The following PIKFYVE variants were observed in gnomAD, a reference collection of about 807,000 sequenced individuals.
PIKFYVE encodes the protein phosphoinositide kinase, FYVE-type zinc finger containing.
Under a neutral mutation model 257.9 loss-of-function variants are expected in PIKFYVE, and 122 were observed. The observed-to-expected ratio is 0.47, with a 90% CI of 0.41 to 0.55. The LOEUF is 0.55. Ranked by LOEUF, PIKFYVE falls within the 20% of genes least tolerant of loss-of-function variation. The probability of loss-of-function intolerance (pLI) is 0.00; values close to 1 mark genes in which losing one functional copy is unlikely to be tolerated. For synonymous variants in PIKFYVE, 892 were observed against 868.9 expected (o/e 1.03, Z -0.47); for missense variants, 2,160 against 2,536.6 (o/e 0.85, Z 3.19).
chr2:208,337,003 G>A lies in PIKFYVE; in HGVS notation c.4611+75G>A, dbSNP rs544141289. On this transcript the variant is annotated intron_variant, in intron 28 of 41. Coordinates refer to ENST00000264380, the MANE Select transcript of PIKFYVE (RefSeq NM_015040.4). ...AGTTTCATTTATAATACTTAGCAGG[G>A]ATAGTTTAATATGTACTTTAGTAAT... The A allele has an allele frequency of 1.1e-5, 13 of 1,192,576 alleles. No individual in the cohort carries two copies. In the East Asian group the frequency reaches 3.3e-4, roughly 30 times the overall value. 73.9% of individuals were successfully genotyped at this position (1,192,576 alleles called of 1,614,324 possible). A position where few individuals can be genotyped will look rare whatever the true frequency, so the allele number is the denominator to read the frequency against.
At chr2:208,329,660 T>G (rs1697294289) in intron 21 of PIKFYVE, among the ~76,000 whole-genome samples, 182 bp from the exon 22 acceptor site, 3 of 152,194 alleles carry the variant, frequency 2.0e-5, no homozygotes, top group African/African-American at 7.2e-5. Flanking sequence ...AAAAGATGCT[T>G]TAGTGTGGCA....
chr2:208,344,977 T>C (rs1699095858), intron 32 of PIKFYVE, 134 bp from the exon 33 acceptor site: 2 of 672,790 alleles, frequency 3.0e-6, no homozygotes, highest in South Asian at 1.8e-5. Context: ...CTTTTGTCAG[T>C]TAACCAAAAT....
At chr2:208,303,074 T>A (rs1180537119) in intron 10 of PIKFYVE, among the ~76,000 whole-genome samples, 1 of 152,032 alleles carries the variant, frequency 6.6e-6, no homozygotes, top group Non-Finnish European at 1.5e-5. Flanking sequence ...AAAGCAAGGC[T>A]CCGTCTCAAA....
intron 7 of PIKFYVE, among the ~76,000 whole-genome samples, chr2:208,289,432 A>G (rs1692004421): frequency 6.6e-6 from 1 of 150,750 alleles, no homozygotes; most frequent in Admixed American, 6.6e-5. Context: ...ATTTTTATTT[A>G]TCTTATTATT....
chr2:208,336,039 C>T lies in PIKFYVE; in HGVS notation c.4366-7C>T. 6.2e-7 allele frequency: 1 copy of T among 1,613,838 alleles called. No individual in the cohort carries two copies. The highest frequency in any genetic ancestry group is 8.5e-7 in the Non-Finnish European group (1 of 1,179,916). ...CTGTCTCCTGAAGTTGTTTCTGTTC[C>T]TTGTAGATGGAAGAAGGTGAGTTCA... On this transcript the variant is annotated splice_region_variant and splice_polypyrimidine_tract_variant and intron_variant, in intron 26 of 41. Transcript: ENST00000264380.
intron 3 of PIKFYVE, chr2:208,274,175 G>C (rs1286910534): frequency 5.5e-6 from 6 of 1,081,628 alleles, no homozygotes; most frequent in Non-Finnish European, 8.3e-6. Flanking sequence ...CTTGCTCTTG[G>C]CCTTCTGTCC....
At chr2:208,344,431 C>G (rs1485324989) in intron 32 of PIKFYVE, among the ~76,000 whole-genome samples, 1 of 151,852 alleles carries the variant, frequency 6.6e-6, no homozygotes, top group Non-Finnish European at 1.5e-5. Context: ...TAGCCTTTGC[C>G]TTTGGCCTTT....
rs371918240 is a variant in PIKFYVE at position 208,325,684 on chromosome 2, A to G, written c.2873A>G (p.His958Arg). 70 of 1,614,056 alleles carry G rather than the reference A, an allele frequency of 4.3e-5. No homozygotes were observed. Among genetic ancestry groups the G allele is most frequent in the Non-Finnish European group, 5.9e-5 (70 of 1,179,982 alleles). The change falls in exon 20 of 42, where the codon CAT (histidine) becomes CGT (arginine). Residue 958 changes from histidine to arginine, a missense_variant. Physicochemically the swap from His to Arg is conservative, Grantham distance 29 (BLOSUM62 0). Transcript: ENST00000264380. The part of the protein sequence containing the change: ...QAVASVKHQE[H>R]STTACPAGLP... ...GTTGCCTCTGTGAAGCATCAAGAAC[A>G]TAGCACAACAGCTTGCCCGGCGGGT...
intron 21 of PIKFYVE, 112 bp downstream of exon 21, chr2:208,328,392 A>G (rs1255418937): frequency 1.6e-6 from 2 of 1,248,492 alleles, no homozygotes; most frequent in Admixed American, 1.9e-5. Context: ...TACACAGCAC[A>G]CTGCTGGTCA....
At chr2:208,270,446 T>C (rs1178010761) in intron 1 of PIKFYVE, among the ~76,000 whole-genome samples, 1 of 152,188 alleles carries the variant, frequency 6.6e-6, no homozygotes, top group Non-Finnish European at 1.5e-5. Context: ...CATCTGGTGA[T>C]GTGGTTAGCT....
rs562502019 is a variant in PIKFYVE at position 208,278,985 on chromosome 2, C to T, written c.613+1277C>T. ...TAAGCTCTTTGAGAAATCTTCAAAC[C>T]GTCTTCCACAGTGGCTGAACTAATT... On this transcript the variant is annotated intron_variant, in intron 5 of 41. Coordinates refer to ENST00000264380, the MANE Select transcript of PIKFYVE (RefSeq NM_015040.4). Among the ~76,000 whole-genome samples the T allele has an allele frequency of 2.0e-4, 31 of 152,232 alleles. 1 individual carries two copies. The East Asian group carries it at 5.4e-3, about 27-fold the overall frequency.
In PIKFYVE at chr2:208,301,102, G is replaced by T. The variant is rs779476580; in HGVS notation, c.1208+8G>T. ...TGGGCATATTGCCACAAGGTATTCTGATCTTAGAAGGTTTCAATATTATTT... is the reference window on the plus strand; with the variant it reads ...TGGGCATATTGCCACAAGGTATTCTTATCTTAGAAGGTTTCAATATTATTT... On this transcript the variant is annotated splice_region_variant and intron_variant, in intron 9 of 41. Transcript: ENST00000264380. 2 of 1,613,398 alleles carry T rather than the reference G, an allele frequency of 1.2e-6. No individual in the cohort carries two copies. The highest frequency in any genetic ancestry group is 2.7e-5 in the African/African-American group (2 of 74,920).
At position 208,336,201 on chromosome 2, in the gene PIKFYVE, G is replaced by T; in HGVS notation, c.4520+1G>T. On this transcript the variant is annotated splice_donor_variant, in intron 27 of 41. Transcript: ENST00000264380. LOFTEE classifies it high-confidence loss of function. ...AAGTGCTGCAAGCTTGGAATAACAG[G>T]TGTGATTTTGCAGTCTGGTTTTCTT... 6.2e-7 allele frequency: 1 copy of T among 1,613,950 alleles called. No individual in the cohort carries two copies. The highest frequency in any genetic ancestry group is 8.5e-7 in the Non-Finnish European group (1 of 1,179,914).
chr2:208,341,258 T>TGC (rs1352890218), intron 31 of PIKFYVE, among the ~76,000 whole-genome samples: 2 of 152,154 alleles, frequency 1.3e-5, no homozygotes, highest in African/African-American at 4.8e-5. Context: ...TCTGCCCACC[T>TGC]CTGTCTCCCA....
At chr2:208,324,512 A>G (rs776012450) in intron 18 of PIKFYVE, among the ~76,000 whole-genome samples, 2 of 152,190 alleles carry the variant, frequency 1.3e-5, no homozygotes, top group Non-Finnish European at 2.9e-5. Context: ...ACCAAAAGTG[A>G]AATGGACATT....
At chr2:208,332,802 A>G (rs567055957) in intron 23 of PIKFYVE, among the ~76,000 whole-genome samples, 14 of 152,078 alleles carry the variant, frequency 9.2e-5, no homozygotes, top group Non-Finnish European at 1.9e-4. Flanking sequence ...AAAAATAAAC[A>G]TATACTAGTA....
In PIKFYVE at chr2:208,355,548, AAAT is replaced by A; in HGVS notation, c.*245_*247del. 1 of 438,736 alleles carries A rather than the reference AAAT, an allele frequency of 2.3e-6. No homozygotes were observed. The highest frequency in any genetic ancestry group is 4.2e-6 in the Non-Finnish European group (1 of 240,692). The allele number at this position is 438,736 out of a possible 1,614,324, so 27.2% of individuals were successfully genotyped here. A position where few individuals can be genotyped will look rare whatever the true frequency, so the allele number is the denominator to read the frequency against. On this transcript the variant is annotated 3_prime_UTR_variant, in exon 42 of 42. Transcript: ENST00000264380. ...GTGGCATGAAAATTTTCTTAAGCTA[AAAT>A]ACAGACATGTTTCAAAGGGCTAAAG...
intron 37 of PIKFYVE, 101 bp downstream of exon 37, chr2:208,351,048 C>T: frequency 2.1e-6 from 3 of 1,431,738 alleles, no homozygotes; most frequent in Non-Finnish European, 2.9e-6. Flanking sequence ...ACTTTCATAA[C>T]TATGACTTAC....
At chr2:208,316,990 G>T (rs1363735283) in intron 15 of PIKFYVE, among the ~76,000 whole-genome samples, 1 of 151,906 alleles carries the variant, frequency 6.6e-6, no homozygotes, top group Non-Finnish European at 1.5e-5. Flanking sequence ...ATTCAAGATG[G>T]ATTAAAGACT....
Sources: allele counts gnomAD v4.1 joint callset (sites outside exome capture counted in the v4.1 genomes callset), GRCh38; gene constraint gnomAD v4.1.1; transcripts MANE v1.5; gene names NCBI Gene and HGNC (gene_info 2026-07-23, HGNC 2026-07-21).